The following FXYD7 variants were observed in gnomAD, a reference collection of about 807,000 sequenced individuals.
The protein encoded by FXYD7 is FXYD domain-containing ion transport regulator 7.
In FXYD7, 7 loss-of-function variants were observed where a neutral mutation model predicts 15.3. The observed-to-expected ratio is 0.46, with a 90% CI of 0.26 to 0.86. The LOEUF is 0.86. FXYD7 is among the 40% of genes least tolerant of loss of function. FXYD7 has a pLI of 0.16. For synonymous variants in FXYD7, 39 were observed against 39.3 expected (o/e 0.99, Z 0.03); for missense variants, 78 against 100.6 (o/e 0.78, Z 0.96).
rs117662869 is a variant in FXYD7 at position 35,149,229 on chromosome 19, G to A, written c.61+506G>A. ...TAAGCTACCCCAGGCCTGGTAGATC[G>A]GGCTCCAGTTTCCCCTCTGAACACC... On this transcript the variant is annotated intron_variant, in intron 2 of 5. Transcript: ENST00000270310. 2.9e-3 allele frequency: 1,032 copies of A among 352,554 alleles called. 30 individuals are homozygous for A. In the East Asian group the frequency reaches 0.061, roughly 21 times the overall value. The allele number at this position is 352,554 out of a possible 1,614,324, so 21.8% of individuals were successfully genotyped here. A position where few individuals can be genotyped will look rare whatever the true frequency, so the allele number is the denominator to read the frequency against.
At chr19:35,148,906 G>A in intron 2 of FXYD7, 183 bp downstream of exon 2, 1 of 733,480 alleles carries the variant, frequency 1.4e-6, no homozygotes, top group South Asian at 1.4e-5. Context: ...ATGGGGGAGT[G>A]GGGATGCCTC....
At chr19:35,152,940 T>TAAAAAAA (rs534802680) in intron 5 of FXYD7, among the ~76,000 whole-genome samples, 2 of 105,924 alleles carry the variant, frequency 1.9e-5, no homozygotes, top group African/African-American at 6.7e-5. Flanking sequence ...TTCTTATAAC[T>TAAAAAAA]AAAAAAAAAA....
chr19:35,151,569 T>C (rs1228558897), intron 4 of FXYD7, 64 bp from the exon 5 acceptor site: 1 of 1,596,724 alleles, frequency 6.3e-7, no homozygotes, highest in African/African-American at 1.3e-5. Flanking sequence ...TGCCATGCGT[T>C]TTCCCCAAAG....
rs2145403089 is a variant in FXYD7, at chr19:35,154,038, A to G, written c.*122A>G. Reference sequence around the variant, plus strand: ...CTCCCCGGAATGAGCCGCCCCACCCACCCCAAGGCTGGAGCCGCTGCACCC... The same window carrying G: ...CTCCCCGGAATGAGCCGCCCCACCCGCCCCAAGGCTGGAGCCGCTGCACCC... On this transcript the variant is annotated 3_prime_UTR_variant, in exon 6 of 6. Coordinates refer to ENST00000270310, the MANE Select transcript of FXYD7 (RefSeq NM_022006.2). The G allele has an allele frequency of 1.2e-6, 1 of 857,276 alleles. No homozygotes were observed. The highest frequency in any genetic ancestry group is 2.6e-5 in the East Asian group (1 of 38,546). 53.1% of individuals were successfully genotyped at this position (857,276 alleles called of 1,614,324 possible).
Sources: gnomAD v4.1 joint callset for allele counts (sites outside exome capture counted in the v4.1 genomes callset) on GRCh38, gnomAD v4.1.1 for gene constraint, MANE v1.5 for transcripts, NCBI Gene and HGNC (gene_info 2026-07-23, HGNC 2026-07-21) for gene names.